SLC41A2: variants seen among roughly 807,000 people sequenced by gnomAD.
SLC41A2 encodes solute carrier family 41 member 2.
SLC41A2 carries 32 observed loss-of-function variants against 58.3 expected under a neutral mutation model. The ratio of observed to expected loss-of-function variants is 0.55; its 90% CI spans 0.41 to 0.74. The LOEUF is 0.74. SLC41A2 is among the 30% of genes least tolerant of loss of function. The pLI is 0.00. For missense variants in SLC41A2, 514 were observed against 680.6 expected (o/e 0.76, Z 2.72); for synonymous variants, 190 against 235.0 (o/e 0.81, Z 1.75).
At chr12:104,882,368 C>T (rs994124986) in intron 6 of SLC41A2, among the ~76,000 whole-genome samples, 6 of 151,874 alleles carry the variant, frequency 4.0e-5, no homozygotes, top group Admixed American at 2.0e-4. Flanking sequence ...TCATGATGTT[C>T]GCTGGTTTTT....
intron 1 of SLC41A2, among the ~76,000 whole-genome samples, chr12:104,936,088 A>T (rs1319199596): frequency 6.6e-6 from 1 of 152,106 alleles, no homozygotes; most frequent in Non-Finnish European, 1.5e-5. Context: ...TAGCTGTAAA[A>T]ATGTCATAGC....
chr12:104,928,628 G>A lies in SLC41A2; in HGVS notation c.-101C>T. The A allele has an allele frequency of 1.7e-6, 1 of 594,882 alleles. No individual in the cohort carries two copies. Among genetic ancestry groups the A allele is most frequent in the Admixed American group, 3.8e-5 (1 of 26,312 alleles). 36.9% of individuals were successfully genotyped at this position (594,882 alleles called of 1,614,324 possible). ...AAACACTGGTTTAAATTAAGTTGTT[G>A]ACTTCATTGTGTAGAAAATATTTCC... is the stretch of plus-strand genomic sequence containing the variant. On this transcript the variant is annotated 5_prime_UTR_variant, in exon 2 of 11. Transcript: ENST00000258538.
intron 1 of SLC41A2, among the ~76,000 whole-genome samples, chr12:104,933,303 G>C (rs150094052): frequency 1.3e-5 from 2 of 152,072 alleles, no homozygotes; most frequent in East Asian, 3.8e-4. Flanking sequence ...AATCATCAGG[G>C]AAATGCAAAT....
chr12:104,883,864 T>G (rs913905957), intron 6 of SLC41A2, among the ~76,000 whole-genome samples: 13 of 152,346 alleles, frequency 8.5e-5, no homozygotes, highest in South Asian at 2.1e-4. Context: ...GAACCACTAC[T>G]CTCTTCAAAG....
chr12:104,949,289 T>C (rs529204184), intron 1 of SLC41A2, among the ~76,000 whole-genome samples: 3 of 152,302 alleles, frequency 2.0e-5, no homozygotes, highest in Admixed American at 6.5e-5. Flanking sequence ...AATCATATCA[T>C]AAATTGCCTT....
rs532440500 is a variant in SLC41A2 at position 104,925,431 on chromosome 12, G to A, written c.555+2542C>T. 3.2e-4 allele frequency among the ~76,000 whole-genome samples: 49 copies of A among 152,180 alleles called. 1 individual carries two copies. The South Asian group carries it at 3.5e-3, about 11-fold the overall frequency. ...AAATTAGCCGGGCGCGGTGGCGGGC[G>A]CCTGTAGTCCCAGCTACTTGGGAGG... On this transcript the variant is annotated intron_variant, in intron 2 of 10. Transcript: ENST00000258538.
At chr12:104,857,674 C>G (rs2043066633) in intron 8 of SLC41A2, among the ~76,000 whole-genome samples, 1 of 151,772 alleles carries the variant, frequency 6.6e-6, no homozygotes, top group African/African-American at 2.4e-5. Context: ...ACTATGCAGC[C>G]ATAAAAAAGG....
At chr12:104,883,995 AC>A (rs1245323648) in intron 6 of SLC41A2, among the ~76,000 whole-genome samples, 1 of 152,164 alleles carries the variant, frequency 6.6e-6, no homozygotes, top group African/African-American at 2.4e-5. Context: ...GGTGGGCTCC[AC>A]CCAGTTTGAG....
intron 6 of SLC41A2, among the ~76,000 whole-genome samples, chr12:104,885,203 G>C (rs539335972): frequency 1.3e-5 from 2 of 152,180 alleles, no homozygotes; most frequent in Non-Finnish European, 2.9e-5. Context: ...CTCACTTAAA[G>C]TGGATGCAAC....
chr12:104,838,015 G>C (rs1310231257), intron 10 of SLC41A2, among the ~76,000 whole-genome samples: 1 of 152,134 alleles, frequency 6.6e-6, no homozygotes, highest in East Asian at 1.9e-4. Context: ...TTTGCCCTTC[G>C]TATGTGATGT....
chr12:104,814,376 T>C (rs1220525045), intron 10 of SLC41A2, among the ~76,000 whole-genome samples: 3 of 152,100 alleles, frequency 2.0e-5, no homozygotes, highest in African/African-American at 2.4e-5. Context: ...AAGAGCAAGA[T>C]TGTGTCTCAC....
Position 104,866,386 on chromosome 12 carries a change from A to G in SLC41A2, c.1175+46T>C, listed in dbSNP as rs58838168. On this transcript the variant is annotated intron_variant, in intron 7 of 10. Coordinates refer to ENST00000258538, the MANE Select transcript of SLC41A2 (RefSeq NM_001352171.3). ...CACACAAAGACAGACAGACGTACAC[A>G]CACACACACACACACACACACACAC... 3,324 of 221,726 alleles carry G rather than the reference A, an allele frequency of 0.015. 46 individuals carry two copies. In the African/African-American group the frequency reaches 0.16, roughly 11 times the overall value. 13.7% of individuals were successfully genotyped at this position (221,726 alleles called of 1,614,324 possible).
At chr12:104,947,074 T>A (rs532192171) in intron 1 of SLC41A2, among the ~76,000 whole-genome samples, 5 of 152,234 alleles carry the variant, frequency 3.3e-5, no homozygotes, top group East Asian at 1.9e-4. Flanking sequence ...ACACATTTTT[T>A]AAAAAGGCTC....
chr12:104,919,929 T>C (rs2046513613), intron 2 of SLC41A2, among the ~76,000 whole-genome samples: 1 of 152,202 alleles, frequency 6.6e-6, no homozygotes, highest in Non-Finnish European at 1.5e-5. Context: ...GTTTTTTCCC[T>C]AAAGGTTTTA....
intron 3 of SLC41A2, among the ~76,000 whole-genome samples, chr12:104,905,922 A>C (rs2045824231): frequency 1.3e-5 from 2 of 152,136 alleles, no homozygotes; most frequent in East Asian, 3.9e-4. Context: ...AAGCTGAGGG[A>C]GTGGGCTCCG....
intron 3 of SLC41A2, among the ~76,000 whole-genome samples, chr12:104,903,397 C>T (rs1421190101): frequency 4.6e-5 from 7 of 152,200 alleles, no homozygotes; most frequent in African/African-American, 1.7e-4. Flanking sequence ...CCCCCTCACT[C>T]ACTCGGTCCC....
intron 6 of SLC41A2, among the ~76,000 whole-genome samples, chr12:104,879,521 C>T (rs2044249595): frequency 1.3e-5 from 2 of 152,304 alleles, no homozygotes; most frequent in African/African-American, 4.8e-5. Flanking sequence ...TATGGCTAGC[C>T]AGTTTCCCCA....
At chr12:104,935,500 T>G (rs1378217673) in intron 1 of SLC41A2, among the ~76,000 whole-genome samples, 2 of 152,112 alleles carry the variant, frequency 1.3e-5, no homozygotes, top group African/African-American at 2.4e-5. Flanking sequence ...TAAATAAAAT[T>G]TAAGAATTAT....
chr12:104,869,066 C>T (rs1287708934), intron 6 of SLC41A2, among the ~76,000 whole-genome samples: 1 of 152,158 alleles, frequency 6.6e-6, no homozygotes, highest in Non-Finnish European at 1.5e-5. Flanking sequence ...GTGGCATAAT[C>T]TTGGCTCAGT....
Sources: gnomAD v4.1 joint callset for allele counts (sites outside exome capture counted in the v4.1 genomes callset) on GRCh38, gnomAD v4.1.1 for gene constraint, MANE v1.5 for transcripts, NCBI Gene and HGNC (gene_info 2026-07-23, HGNC 2026-07-21) for gene names.